ZNF236: variants seen among roughly 807,000 people sequenced by gnomAD.
ZNF236 encodes regulated by glucose.
A neutral mutation model predicts 191.2 loss-of-function variants in ZNF236; 50 were observed. The observed-to-expected ratio is 0.26, with a 90% CI of 0.21 to 0.33. The LOEUF is 0.33. Ranked by LOEUF, ZNF236 falls within the 10% of genes least tolerant of loss-of-function variation. The probability of loss-of-function intolerance (pLI) is 1.00; values close to 1 mark genes in which losing one functional copy is unlikely to be tolerated. For synonymous variants in ZNF236, 907 were observed against 928.8 expected, an observed-to-expected ratio of 0.98 and a Z score of 0.43; for missense variants, 1,754 against 2,374.5, an observed-to-expected ratio of 0.74 and a Z score of 5.43.
At chr18:76,951,425 A>G (rs544576697) in intron 27 of ZNF236, among the ~76,000 whole-genome samples, 23 of 152,304 alleles carry the variant, frequency 1.5e-4, no homozygotes, top group Middle Eastern at 6.8e-3. Flanking sequence ...TTGCACTGCT[A>G]TGTTATGGAG....
At chr18:76,850,530 A>C (rs1318906441) in intron 2 of ZNF236, among the ~76,000 whole-genome samples, 4 of 152,166 alleles carry the variant, frequency 2.6e-5, no homozygotes, top group Admixed American at 2.0e-4. Flanking sequence ...ACCTTCCATT[A>C]TGGGAAAATC....
Position 76,969,498 on chromosome 18 carries a change from A to T in ZNF236, c.*1159A>T, listed in dbSNP as rs2122995030. 6.5e-6 allele frequency: 1 copy of T among 152,690 alleles called. No homozygotes were observed. Among genetic ancestry groups the T allele is most frequent in the South Asian group, 2.1e-4 (1 of 4,824 alleles). The allele number at this position is 152,690 out of a possible 1,614,324, so 9.5% of individuals were successfully genotyped here. A position where few individuals can be genotyped will look rare whatever the true frequency, so the allele number is the denominator to read the frequency against. ...AACAGTATATTTTGTAAATATAAGT[A>T]CTAGTCCTAATTGCAGAAAGAGCGT... is the stretch of plus-strand genomic sequence containing the variant. On this transcript the variant is annotated 3_prime_UTR_variant, in exon 31 of 31. Transcript: ENST00000320610.
At chr18:76,914,701 A>T (rs530134999) in intron 18 of ZNF236, among the ~76,000 whole-genome samples, 1 of 152,294 alleles carries the variant, frequency 6.6e-6, no homozygotes, top group Admixed American at 6.5e-5. Context: ...TTCTAATCCT[A>T]TGCCCATTTT....
chr18:76,858,042 G>A (rs1374322654), intron 3 of ZNF236, among the ~76,000 whole-genome samples: 1 of 151,952 alleles, frequency 6.6e-6, no homozygotes, highest in Non-Finnish European at 1.5e-5. Context: ...TTACGTGCCT[G>A]TAGGAAAGCG....
At chr18:76,845,258 T>C (rs927873924) in intron 1 of ZNF236, among the ~76,000 whole-genome samples, 1 of 152,146 alleles carries the variant, frequency 6.6e-6, no homozygotes, top group Non-Finnish European at 1.5e-5. Flanking sequence ...AGTGGTCATA[T>C]TTTTATGTGT....
intron 20 of ZNF236, 112 bp from the exon 21 acceptor site, chr18:76,922,959 T>G (rs933429387): frequency 2.6e-6 from 2 of 766,060 alleles, no homozygotes; most frequent in Non-Finnish European, 4.3e-6. Flanking sequence ...AAAGTTTTTC[T>G]TGGCCAAACT....
rs1220109239 is a variant in ZNF236, at chr18:76,896,682, G to T, written c.1690+1397G>T. Among the ~76,000 whole-genome samples, 12 of 144,926 alleles carry T rather than the reference G, an allele frequency of 8.3e-5. No individual in the cohort carries two copies. The Admixed American group carries it at 8.3e-4, about 10-fold the overall frequency. On this transcript the variant is annotated intron_variant, in intron 10 of 30. Coordinates refer to ENST00000320610, the MANE Select transcript of ZNF236 (RefSeq NM_001306089.2). ...GTACACAAACAGAGTACTGCACACA[G>T]GTACAGCCTGCAGAGCTGCACTCAC...
chr18:76,859,732 G>A (rs1170508371), intron 3 of ZNF236, among the ~76,000 whole-genome samples: 3 of 152,172 alleles, frequency 2.0e-5, no homozygotes, highest in Non-Finnish European at 4.4e-5. Context: ...TTGAACATGT[G>A]ACCTATTCCT....
intron 3 of ZNF236, among the ~76,000 whole-genome samples, chr18:76,860,351 A>C: frequency 6.6e-6 from 1 of 152,260 alleles, no homozygotes; most frequent in Non-Finnish European, 1.5e-5. Context: ...ACCGTTTTCC[A>C]TTCTGAAGTT....
intron 22 of ZNF236, among the ~76,000 whole-genome samples, chr18:76,926,655 T>C (rs1400082213): frequency 6.8e-6 from 1 of 146,322 alleles, no homozygotes; most frequent in Non-Finnish European, 1.5e-5. Context: ...GTATAAAGGG[T>C]GATTAGACTG....
At chr18:76,893,607 A>T (rs945418884) in intron 9 of ZNF236, among the ~76,000 whole-genome samples, 4 of 152,180 alleles carry the variant, frequency 2.6e-5, no homozygotes, top group African/African-American at 9.7e-5. Context: ...TCCTGGGCTC[A>T]AGCCATCCTT....
At chr18:76,874,930 AG>A (rs779161478) in intron 5 of ZNF236, among the ~76,000 whole-genome samples, 1 of 152,194 alleles carries the variant, frequency 6.6e-6, no homozygotes, top group Admixed American at 6.5e-5. Context: ...ATTTTACTCT[AG>A]GGGGGATTGG....
intron 27 of ZNF236, among the ~76,000 whole-genome samples, chr18:76,948,081 C>T (rs545826467): frequency 2.1e-3 from 323 of 152,020 alleles, no homozygotes; most frequent in African/African-American, 2.0e-3. Context: ...TGTGTGTGCG[C>T]GCGCGTGTGT....
intron 27 of ZNF236, among the ~76,000 whole-genome samples, chr18:76,948,472 C>T (rs1439980999): frequency 5.3e-5 from 8 of 152,158 alleles, no homozygotes; most frequent in Non-Finnish European, 7.4e-5. Context: ...TCAGGTTTGA[C>T]GATTCACTAC....
chr18:76,837,010 G>C (rs964814723), intron 1 of ZNF236, among the ~76,000 whole-genome samples: 1 of 151,890 alleles, frequency 6.6e-6, no homozygotes, highest in Non-Finnish European at 1.5e-5. Context: ...GGAGTAGCTG[G>C]GATTGCAAGC....
chr18:76,825,426 C>G (rs891401844), intron 1 of ZNF236, among the ~76,000 whole-genome samples: 2 of 152,160 alleles, frequency 1.3e-5, no homozygotes, highest in African/African-American at 4.8e-5. Flanking sequence ...GGCACAACTG[C>G]TGACATCTTA....
In ZNF236 at chr18:76,917,663, G is replaced by C. The variant is rs557261899; in HGVS notation, c.3274+1804G>C. Among the ~76,000 whole-genome samples, 11 of 152,252 alleles carry C rather than the reference G, an allele frequency of 7.2e-5. No individual in the cohort carries two copies. In the East Asian group the frequency reaches 2.1e-3, roughly 29 times the overall value. On this transcript the variant is annotated intron_variant, in intron 19 of 30. Transcript: ENST00000320610. The stretch of plus-strand genomic sequence containing the variant: ...TAACACTTGCCGACTGTTTCATGCT[G>C]TCTGTCTGTCGTGCTTAATTTTGTT...
intron 30 of ZNF236, among the ~76,000 whole-genome samples, chr18:76,961,489 C>T (rs1018695920): frequency 2.6e-5 from 4 of 151,766 alleles, no homozygotes; most frequent in South Asian, 2.1e-4. Context: ...TTTGCAGTTG[C>T]GAATTGTGCT....
intron 1 of ZNF236, among the ~76,000 whole-genome samples, chr18:76,843,803 A>AAAAAAAAAAAAG (rs71172383): frequency 0.022 from 1,352 of 62,076 alleles, 489 homozygotes; most frequent in Admixed American, 0.034. Context: ...AAAAAAAAAA[A>AAAAAAAAAAAAG]AAGTAAAGAA....
Sources: gnomAD v4.1 joint callset for allele counts (sites outside exome capture counted in the v4.1 genomes callset) on GRCh38, gnomAD v4.1.1 for gene constraint, MANE v1.5 for transcripts, NCBI Gene and HGNC (gene_info 2026-07-23, HGNC 2026-07-21) for gene names.